FRMD8: variants seen among roughly 807,000 people sequenced by gnomAD.
FRMD8 encodes FERM domain containing 8.
Under a neutral mutation model 54.2 loss-of-function variants are expected in FRMD8, and 37 were observed. That is an observed-to-expected ratio of 0.68 (90% CI 0.53 to 0.90). The LOEUF (loss-of-function observed/expected upper bound fraction) is 0.90, where lower values mean the gene tolerates loss of function less well. FRMD8 is among the 40% of genes least tolerant of loss of function. FRMD8 has a pLI of 0.00. For synonymous variants in FRMD8, 246 were observed against 286.9 expected (o/e 0.86, Z 1.44); for missense variants, 585 against 653.7 (o/e 0.89, Z 1.15).
At chr11:65,380,280 G>A in the FRMD8 span, 5 of 1,543,108 alleles carry the variant, frequency 3.2e-6, no homozygotes, top group African/African-American at 4.1e-5. Flanking sequence ...AAGGAGAGCA[G>A]GGCCATCTCA....
chr11:65,396,208 C>T (rs1855950718), intron 6 of FRMD8, among the ~76,000 whole-genome samples: 1 of 152,140 alleles, frequency 6.6e-6, no homozygotes, highest in South Asian at 2.1e-4. Context: ...AGGACCAGGC[C>T]CCATGGGGGC....
chr11:65,397,934 G>C (rs1179882577), intron 7 of FRMD8, among the ~76,000 whole-genome samples: 2 of 147,456 alleles, frequency 1.4e-5, no homozygotes, highest in Admixed American at 1.4e-4. Context: ...GGAGTGCAAT[G>C]CCATGATCTC....
chr11:65,376,945 C>T, the FRMD8 span: 2 of 1,612,974 alleles, frequency 1.2e-6, no homozygotes, highest in Non-Finnish European at 8.5e-7. Flanking sequence ...GGGGCCCCTC[C>T]TCCCGGAAGA....
intron 6 of FRMD8, among the ~76,000 whole-genome samples, chr11:65,396,494 G>A (rs1855957512): frequency 6.6e-6 from 1 of 152,128 alleles, no homozygotes; most frequent in East Asian, 1.9e-4. Flanking sequence ...GGACAGGTGG[G>A]GGTGTCACCA....
At chr11:65,379,346 C>A in the FRMD8 span, 10 of 1,602,376 alleles carry the variant, frequency 6.2e-6, no homozygotes, top group South Asian at 1.1e-5. Flanking sequence ...CCCTATGACA[C>A]CTGTGTGTGC....
rs978077614 is a variant in FRMD8 at position 65,411,787 on chromosome 11, C to T, written c.*427C>T. On this transcript the variant is annotated 3_prime_UTR_variant, in exon 11 of 11. Transcript: ENST00000317568. ...AAGCTCCAGTGTGTGCCTTTGGCCT[C>T]TTCCCTGGACTTGGGTGACCAGTCT... 1 of 155,360 alleles carries T rather than the reference C, an allele frequency of 6.4e-6. No homozygotes were observed. The highest frequency in any genetic ancestry group is 1.4e-5 in the Non-Finnish European group (1 of 70,268). The allele number at this position is 155,360 out of a possible 1,614,324, so 9.6% of individuals were successfully genotyped here.
At chr11:65,372,057 A>G in the FRMD8 span, among the ~76,000 whole-genome samples, 2 of 151,818 alleles carry the variant, frequency 1.3e-5, no homozygotes, top group Non-Finnish European at 2.9e-5. Flanking sequence ...GATTACAGGC[A>G]TGTGCCACCA....
the FRMD8 span, chr11:65,377,484 C>A: frequency 1.1e-6 from 1 of 911,624 alleles, no homozygotes; most frequent in Non-Finnish European, 1.3e-6. Context: ...AGCAAAGAAA[C>A]CACCCTTTCC....
chr11:65,397,830 C>T (rs1370106517), intron 7 of FRMD8, among the ~76,000 whole-genome samples: 1 of 151,376 alleles, frequency 6.6e-6, no homozygotes, highest in African/African-American at 2.4e-5. Flanking sequence ...TCCTGAGTCG[C>T]TGGGACCACA....
upstream of FRMD8, chr11:65,382,165 A>G (rs567836326): frequency 5.7e-3 from 3,395 of 596,906 alleles, 17 homozygotes; most frequent in Non-Finnish European, 7.2e-3. The surrounding 1 kb of genome is among the most constrained non-coding windows in gnomAD (Gnocchi z 4.4). Flanking sequence ...TGCAGAGTAC[A>G]GTCTCACGGG....
At chr11:65,381,886 A>T (rs1255013282), upstream of FRMD8, 1 of 1,613,880 alleles carries the variant, frequency 6.2e-7, no homozygotes, top group Admixed American at 1.7e-5. Flanking sequence ...ATTGGGTGTG[A>T]TGTGACAGAA....
Position 65,400,678 on chromosome 11 carries a change from C to T in FRMD8, c.928-46C>T. The stretch of plus-strand genomic sequence containing the variant: ...TGAGTGGGATGGGGTGGGGAGCAGA[C>T]CTCTGCCCAGGGGTCAAGCCTGGCT... On this transcript the variant is annotated intron_variant, in intron 8 of 10. Coordinates refer to ENST00000317568, the MANE Select transcript of FRMD8 (RefSeq NM_031904.5). This position sits in a 1 kb window ranked among gnomAD's most constrained non-coding sequence, Gnocchi z 4.3. 1 of 1,509,352 alleles carries T rather than the reference C, an allele frequency of 6.6e-7. No individual in the cohort carries two copies. Among genetic ancestry groups the T allele is most frequent in the Non-Finnish European group, 8.9e-7 (1 of 1,126,694 alleles). 93.5% of individuals were successfully genotyped at this position (1,509,352 alleles called of 1,614,324 possible).
In FRMD8 at chr11:65,387,090, C is replaced by T. The variant is rs144310109; in HGVS notation, c.54C>T (p.His18=). 4.7e-5 allele frequency: 75 copies of T among 1,607,928 alleles called. No individual in the cohort carries two copies. The highest frequency in any genetic ancestry group is 5.8e-5 in the Non-Finnish European group (68 of 1,180,022). The stretch of plus-strand genomic sequence containing the variant: ...AGCCCGGCCCCGCTGAGCGATCCCA[C>T]CGAAGCAGCGTGTCCTCCGTGGGAG... ...AGQPGPAERS[H]RSSVSSVGAR... Residue 18 remains histidine (H), a synonymous_variant, in exon 2 of 11, where the codon CAC becomes CAT. Coordinates refer to ENST00000317568, the MANE Select transcript of FRMD8 (RefSeq NM_031904.5).
chr11:65,389,312 G>T, intron 2 of FRMD8, 49 bp from the exon 3 acceptor site: 1 of 1,594,182 alleles, frequency 6.3e-7, no homozygotes, highest in Non-Finnish European at 8.5e-7. Context: ...GCCTGGCCTG[G>T]CTGTGCCAGG....
the FRMD8 span, among the ~76,000 whole-genome samples, chr11:65,372,625 G>C: frequency 2.6e-5 from 4 of 152,208 alleles, no homozygotes; most frequent in Admixed American, 1.3e-4. Context: ...TTGTTGTTTT[G>C]AGTTTAGGAG....
chr11:65,396,943 C>T lies in FRMD8; in HGVS notation c.726C>T (p.Ser242=), dbSNP rs756422155. The T allele has an allele frequency of 2.5e-5, 39 of 1,531,810 alleles. 1 individual carries two copies. In the South Asian group the frequency reaches 2.9e-4, roughly 12 times the overall value. 94.9% of individuals were successfully genotyped at this position (1,531,810 alleles called of 1,614,324 possible). A position where few individuals can be genotyped will look rare whatever the true frequency, so the allele number is the denominator to read the frequency against. The change falls in exon 7 of 11, where the codon AGC becomes AGT. Residue 242 remains serine, a synonymous_variant. Transcript: ENST00000317568. ...NAYRQVQEVS[S]DGGCEAALGT... ...ACCGCCAGGTGCAGGAGGTCAGCAG[C>T]GACGGCGGGTGCGAGGCCGCCCTGG...
intron 9 of FRMD8, among the ~76,000 whole-genome samples, chr11:65,401,179 G>A (rs896113792): frequency 6.6e-6 from 1 of 152,010 alleles, no homozygotes; most frequent in Non-Finnish European, 1.5e-5. Context: ...CCCAAGACCA[G>A]TGCTGTTGTG....
the FRMD8 span, chr11:65,377,624 G>A: frequency 6.3e-6 from 1 of 158,340 alleles, no homozygotes; most frequent in African/African-American, 2.4e-5. Context: ...TCCCACCAAA[G>A]AGGCTTCTGA....
At chr11:65,390,851 G>A (rs1481111916) in intron 3 of FRMD8, among the ~76,000 whole-genome samples, 1 of 152,218 alleles carries the variant, frequency 6.6e-6, no homozygotes, top group Non-Finnish European at 1.5e-5. Flanking sequence ...ACCACATTCC[G>A]GCTCTCCCAC....
Sources: allele counts gnomAD v4.1 joint callset (sites outside exome capture counted in the v4.1 genomes callset), GRCh38; gene constraint gnomAD v4.1.1; non-coding constraint Gnocchi (gnomAD v3.1); transcripts MANE v1.5; gene names NCBI Gene and HGNC (gene_info 2026-07-23, HGNC 2026-07-21).